Variants in CFI observed in about 807,000 individuals in gnomAD.
CFI encodes the protein complement factor I, also known as C3B/C4B inactivator.
Under a neutral mutation model 78.8 loss-of-function variants are expected in CFI, and 66 were observed. The observed-to-expected ratio is 0.84, with a 90% CI of 0.69 to 1.03. The LOEUF is 1.03. Ranked by LOEUF, CFI falls within the 50% of genes least tolerant of loss-of-function variation. The probability of loss-of-function intolerance (pLI) is 0.00; values close to 1 mark genes in which losing one functional copy is unlikely to be tolerated. For synonymous variants in CFI, 250 were observed against 232.6 expected (o/e 1.07, Z -0.68); for missense variants, 706 against 704.5 (o/e 1.00, Z -0.02).
chr4:109,766,084 C>CTCCA (rs1727711520), intron 2 of CFI, among the ~76,000 whole-genome samples: 1 of 152,128 alleles, frequency 6.6e-6, no homozygotes, highest in Non-Finnish European at 1.5e-5. Flanking sequence ...CACCACTGCA[C>CTCCA]TCCAGCCTGG....
chr4:109,753,660 TAA>T (rs1561294220), intron 7 of CFI, among the ~76,000 whole-genome samples: 8 of 99,944 alleles, frequency 8.0e-5, no homozygotes, highest in Non-Finnish European at 1.4e-4. Context: ...ATATATTATA[TAA>T]TGTATAATTT....
At chr4:109,776,829 A>C (rs1269464157) in intron 1 of CFI, among the ~76,000 whole-genome samples, 2 of 152,252 alleles carry the variant, frequency 1.3e-5, no homozygotes, top group African/African-American at 4.8e-5. Flanking sequence ...AACATTCTTA[A>C]AGAAAAGAAT....
chr4:109,775,659 C>G (rs1319867887), intron 1 of CFI, among the ~76,000 whole-genome samples: 1 of 152,142 alleles, frequency 6.6e-6, no homozygotes, highest in Non-Finnish European at 1.5e-5. Context: ...AGTGGTTCTC[C>G]CAGCATGGAG....
chr4:109,745,223 C>G (rs977608811), intron 11 of CFI, among the ~76,000 whole-genome samples: 3 of 152,144 alleles, frequency 2.0e-5, no homozygotes, highest in African/African-American at 7.2e-5. Flanking sequence ...CGCTCTGTCA[C>G]TCAGGCTAGA....
At chr4:109,754,603 A>T (rs1027595725) in intron 7 of CFI, among the ~76,000 whole-genome samples, 3 of 152,114 alleles carry the variant, frequency 2.0e-5, no homozygotes, top group Non-Finnish European at 4.4e-5. Flanking sequence ...GGGATCACAT[A>T]GCCCAGAATG....
At chr4:109,768,025 T>C (rs1026237902) in intron 1 of CFI, among the ~76,000 whole-genome samples, 14 of 150,778 alleles carry the variant, frequency 9.3e-5, no homozygotes, top group Admixed American at 8.0e-4. Flanking sequence ...AGCAAACTAT[T>C]GCAAGGACAA....
rs36163689 is a variant in CFI, at chr4:109,782,431, C to CAAAAAA, written c.58-15613_58-15608dup. Among the ~76,000 whole-genome samples, 13 of 138,100 alleles carry CAAAAAA rather than the reference C, an allele frequency of 9.4e-5. 1 individual carries two copies. The highest frequency in any genetic ancestry group is 2.3e-4 in the South Asian group (1 of 4,266). The allele number at this position is 138,100 out of a possible 152,430, so 90.6% of individuals were successfully genotyped here. A position where few individuals can be genotyped will look rare whatever the true frequency, so the allele number is the denominator to read the frequency against. On this transcript the variant is annotated intron_variant, in intron 1 of 12. Transcript: ENST00000394634. ...AACTCAACCCCTTTTACAATAGCTGCAAAAAAAAAAAAAATACTTAGGAAT... is the reference window on the plus strand; with the variant it reads ...AACTCAACCCCTTTTACAATAGCTGCAAAAAAAAAAAAAAAAAAAATACTTAGGAAT...
In CFI at chr4:109,742,570, CTGAAG is replaced by C. The variant is rs752767269; in HGVS notation, c.1450_1454del (p.Leu484ValfsTer3). On this transcript the variant is annotated frameshift_variant, in exon 12 of 13. Transcript: ENST00000394634. LOFTEE classifies it high-confidence loss of function. Reference sequence around the variant, plus strand: ...TGCTTATTAGTTTAACTTCACCCCACTGAAGTGAAAAGACTCTTTCGTTATCTAAA... The same window carrying C: ...TGCTTATTAGTTTAACTTCACCCCACTGAAAAGACTCTTTCGTTATCTAAA... The C allele has an allele frequency of 5.6e-6, 9 of 1,611,616 alleles. No homozygotes were observed. The Admixed American group carries it at 6.7e-5, about 12-fold the overall frequency.
In CFI at chr4:109,764,807, G is replaced by A. The variant is rs1339359660; in HGVS notation, c.329-117C>T. On this transcript the variant is annotated intron_variant, in intron 2 of 12. Transcript: ENST00000394634. ...TCAAGTGAGCTTTGAACATCATGAC[G>A]ATTTTAACAAGTAATAGTAAGCAAT... 1.2e-5 allele frequency: 11 copies of A among 939,444 alleles called. 1 individual carries two copies. In the East Asian group the frequency reaches 1.6e-4, roughly 13 times the overall value. The allele number at this position is 939,444 out of a possible 1,614,324, so 58.2% of individuals were successfully genotyped here.
At chr4:109,751,391 T>G (rs898082035) in intron 8 of CFI, among the ~76,000 whole-genome samples, 2 of 151,812 alleles carry the variant, frequency 1.3e-5, no homozygotes, top group African/African-American at 2.4e-5. Context: ...AAAGGGCCAT[T>G]GTTGAAAATG....
rs370414250 is a variant in CFI at position 109,769,652 on chromosome 4, TA to T, written c.58-2829del. Among the ~76,000 whole-genome samples the T allele has an allele frequency of 5.9e-5, 9 of 152,344 alleles. No homozygotes were observed. The East Asian group carries it at 1.3e-3, about 23-fold the overall frequency. On this transcript the variant is annotated intron_variant, in intron 1 of 12. Transcript: ENST00000394634. ...ATGTCAATTCACTCAATGCTGGCAG[TA>T]CCTCTCCTCCAGCTGGCTGCTCATG...
chr4:109,759,280 GA>G (rs1395596905), intron 6 of CFI, among the ~76,000 whole-genome samples: 2 of 151,248 alleles, frequency 1.3e-5, no homozygotes, highest in Non-Finnish European at 2.9e-5. Context: ...ATAATAGTAT[GA>G]AAAAAATTGG....
chr4:109,748,091 G>A (rs1724698654), intron 10 of CFI, among the ~76,000 whole-genome samples: 1 of 152,124 alleles, frequency 6.6e-6, no homozygotes, highest in African/African-American at 2.4e-5. Context: ...TAACTGAACA[G>A]AATTTATCTT....
chr4:109,791,974 C>G (rs1731440110), intron 1 of CFI, among the ~76,000 whole-genome samples: 2 of 152,096 alleles, frequency 1.3e-5, no homozygotes, highest in Non-Finnish European at 2.9e-5. Context: ...TGTAGATTTT[C>G]TAATTTTCTT....
At chr4:109,756,213 G>T (rs189616373) in intron 7 of CFI, among the ~76,000 whole-genome samples, 288 of 152,024 alleles carry the variant, frequency 1.9e-3, no homozygotes, top group Non-Finnish European at 2.4e-3. Flanking sequence ...CAAGACAGGG[G>T]CCTTGCTTGA....
At chr4:109,754,031 T>G (rs1230591537) in intron 7 of CFI, among the ~76,000 whole-genome samples, 1 of 151,024 alleles carries the variant, frequency 6.6e-6, no homozygotes, top group East Asian at 1.9e-4. Context: ...TTGCCCAGAC[T>G]GGAGTGCGGT....
chr4:109,755,749 G>T (rs528602325), intron 7 of CFI, among the ~76,000 whole-genome samples: 2 of 152,100 alleles, frequency 1.3e-5, no homozygotes, highest in Non-Finnish European at 2.9e-5. Flanking sequence ...AAATTACCCC[G>T]TCTGTGGTAT....
intron 1 of CFI, among the ~76,000 whole-genome samples, chr4:109,789,828 G>A (rs947054106): frequency 2.6e-5 from 4 of 151,966 alleles, no homozygotes; most frequent in Admixed American, 6.6e-5. Context: ...TATTGGCCTC[G>A]CGGAATGCAT....
In CFI at chr4:109,753,688, A is replaced by G. The variant is rs11946294; in HGVS notation, c.905-1185T>C. Among the ~76,000 whole-genome samples, 3 of 43,272 alleles carry G rather than the reference A, an allele frequency of 6.9e-5. 1 individual carries two copies. Among genetic ancestry groups the G allele is most frequent in the African/African-American group, 3.7e-4 (3 of 8,174 alleles). The allele number at this position is 43,272 out of a possible 152,430, so 28.4% of individuals were successfully genotyped here. On this transcript the variant is annotated intron_variant, in intron 7 of 12. Coordinates refer to ENST00000394634, the MANE Select transcript of CFI (RefSeq NM_000204.5). ...TGTATAATTTTATATTATATATTAT[A>G]TAATGTATAATTTTATATTATATAT...
Sources: allele counts gnomAD v4.1 joint callset (sites outside exome capture counted in the v4.1 genomes callset), GRCh38; gene constraint gnomAD v4.1.1; transcripts MANE v1.5; gene names NCBI Gene and HGNC (gene_info 2026-07-23, HGNC 2026-07-21).